TPH2: variants seen among roughly 807,000 people sequenced by gnomAD.
TPH2 encodes tryptophan 5-hydroxylase 2.
TPH2 carries 27 observed loss-of-function variants against 59.1 expected under a neutral mutation model. The ratio of observed to expected loss-of-function variants is 0.46; its 90% CI spans 0.34 to 0.63. The LOEUF is 0.63. Among genes scored for constraint, TPH2 ranks in the 30% least tolerant of loss-of-function variants. The pLI is 0.01. For missense variants in TPH2, 523 were observed against 588.3 expected (o/e 0.89, Z 1.15); for synonymous variants, 220 against 210.5 (o/e 1.05, Z -0.39).
intron 5 of TPH2, among the ~76,000 whole-genome samples, chr12:71,951,344 G>A (rs934505884): frequency 6.6e-6 from 1 of 152,094 alleles, no homozygotes; most frequent in Admixed American, 6.6e-5. Flanking sequence ...GATCCTTAGA[G>A]GGGGTGTGGG....
At chr12:71,982,134 G>T (rs1872301664) in intron 7 of TPH2, among the ~76,000 whole-genome samples, 1 of 149,906 alleles carries the variant, frequency 6.7e-6, no homozygotes, top group East Asian at 2.0e-4. Flanking sequence ...CTCCTCAGTA[G>T]CTGGGGTTAC....
rs143153059 is a variant in TPH2 at position 71,994,514 on chromosome 12, A to T, written c.1017A>T (p.Ile339=). 199 of 1,614,026 alleles carry T rather than the reference A, an allele frequency of 1.2e-4. No homozygotes were observed. The African/African-American group carries it at 2.1e-3, about 17-fold the overall frequency. ...AGTTTGCTCAGTTTTCACAAGAAATAGGTCTGGCGTCTCTGGGAGCATCAG... is the reference window on the plus strand; with the variant it reads ...AGTTTGCTCAGTTTTCACAAGAAATTGGTCTGGCGTCTCTGGGAGCATCAG... ...DPKFAQFSQE[I]GLASLGASDE... Residue 339 remains isoleucine, a synonymous_variant, in exon 8 of 11, where the codon ATA becomes ATT. Transcript: ENST00000333850.
intron 6 of TPH2, among the ~76,000 whole-genome samples, chr12:71,973,881 T>C (rs1218009918): frequency 1.3e-5 from 2 of 152,128 alleles, no homozygotes; most frequent in Non-Finnish European, 2.9e-5. Flanking sequence ...ACCCAATGAA[T>C]CATACAGTGA....
intron 5 of TPH2, among the ~76,000 whole-genome samples, chr12:71,960,929 C>A (rs1871662276): frequency 6.6e-6 from 1 of 152,136 alleles, no homozygotes; most frequent in African/African-American, 2.4e-5. Context: ...AAATTTTATT[C>A]ATTTTTATAC....
chr12:71,994,924 A>G (rs1156894511), intron 8 of TPH2, among the ~76,000 whole-genome samples: 1 of 152,156 alleles, frequency 6.6e-6, no homozygotes, highest in Non-Finnish European at 1.5e-5. Flanking sequence ...GTGTCCCAAT[A>G]AAACTTTATT....
chr12:72,014,671 G>A (rs771193195), intron 8 of TPH2, among the ~76,000 whole-genome samples: 1 of 152,154 alleles, frequency 6.6e-6, no homozygotes, highest in Non-Finnish European at 1.5e-5. Context: ...GATTACAGGC[G>A]TGAACCACCG....
At chr12:72,023,688 G>T (rs1873486012) in intron 9 of TPH2, among the ~76,000 whole-genome samples, 1 of 151,894 alleles carries the variant, frequency 6.6e-6, no homozygotes. Context: ...AATTAGCTAG[G>T]CATGATGGCG....
At chr12:71,992,252 G>A (rs1458040683) in intron 7 of TPH2, among the ~76,000 whole-genome samples, 2 of 152,200 alleles carry the variant, frequency 1.3e-5, no homozygotes, top group Non-Finnish European at 2.9e-5. Flanking sequence ...AGAGCAGAAA[G>A]AGTGTAGCTT....
chr12:71,981,295 A>G (rs1343609788), intron 7 of TPH2, among the ~76,000 whole-genome samples: 2 of 152,216 alleles, frequency 1.3e-5, no homozygotes, highest in Non-Finnish European at 2.9e-5. Context: ...TCTTCAGGCC[A>G]TGTTATAAAT....
rs375357832 is a variant in TPH2, at chr12:72,031,389, G to T, written c.1296G>T (p.Met432Ile). Residue 432 changes from methionine to isoleucine, a missense_variant and splice_region_variant, in exon 10 of 11, where the codon ATG (methionine) becomes ATT (isoleucine). Transcript: ENST00000333850. Reference sequence around the variant, plus strand: ...GTTTTGAAGAAGCCAAAGAAAAGATGAGGTAAACTTTTTTTTCCTCCTAGC... The same window carrying T: ...GTTTTGAAGAAGCCAAAGAAAAGATTAGGTAAACTTTTTTTTCCTCCTAGC... ...SESFEEAKEK[M>I]RDFAKSITRP... 4.3e-6 allele frequency: 7 copies of T among 1,613,478 alleles called. No homozygotes were observed. Among genetic ancestry groups the T allele is most frequent in the African/African-American group, 1.3e-5 (1 of 74,868 alleles).
chr12:71,996,664 ATG>A (rs144348037), intron 8 of TPH2, among the ~76,000 whole-genome samples: 1 of 151,042 alleles, frequency 6.6e-6, no homozygotes. Flanking sequence ...TGTGGAGCTG[ATG>A]TGTGTGTGTG....
Position 71,939,773 on chromosome 12 carries a change from G to T in TPH2, c.105+682G>T, listed in dbSNP as rs186474115. Among the ~76,000 whole-genome samples, 81 of 152,296 alleles carry T rather than the reference G, an allele frequency of 5.3e-4. 2 individuals carry two copies. The East Asian group carries it at 0.014, about 27-fold the overall frequency. ...AAAAAGCAGTATTTGCAGGATTTTAGATCCTGCTTTCAGGTAGTAGTCATG... is the reference window on the plus strand; with the variant it reads ...AAAAAGCAGTATTTGCAGGATTTTATATCCTGCTTTCAGGTAGTAGTCATG... On this transcript the variant is annotated intron_variant, in intron 1 of 10. Coordinates refer to ENST00000333850, the MANE Select transcript of TPH2 (RefSeq NM_173353.4).
At chr12:71,946,648 T>C (rs535972303) in intron 4 of TPH2, among the ~76,000 whole-genome samples, 1 of 152,310 alleles carries the variant, frequency 6.6e-6, no homozygotes, top group African/African-American at 2.4e-5. Flanking sequence ...TTGGTGTTTT[T>C]GTAAGTTGTT....
At chr12:71,998,628 C>T (rs1284005985) in intron 8 of TPH2, among the ~76,000 whole-genome samples, 1 of 152,080 alleles carries the variant, frequency 6.6e-6, no homozygotes, top group African/African-American at 2.4e-5. Flanking sequence ...AATTTAATGA[C>T]CCACTTGCAG....
At position 71,944,110 on chromosome 12, in the gene TPH2, A is replaced by T. The variant is rs186803341; in HGVS notation, c.256-184A>T. Among the ~76,000 whole-genome samples the T allele has an allele frequency of 6.6e-5, 10 of 152,174 alleles. No individual in the cohort carries two copies. The East Asian group carries it at 7.7e-4, about 12-fold the overall frequency. On this transcript the variant is annotated intron_variant, in intron 2 of 10. Transcript: ENST00000333850. ...AACCTATACACAGAAGTATAAATAT[A>T]TAGATTTTTTATTAATGGAAATAAT... is the stretch of plus-strand genomic sequence containing the variant.
In TPH2 at chr12:71,994,433, TG is replaced by T; in HGVS notation, c.942-5del. The T allele has an allele frequency of 6.2e-7, 1 of 1,613,840 alleles. No individual in the cohort carries two copies. The highest frequency in any genetic ancestry group is 8.5e-7 in the Non-Finnish European group (1 of 1,179,724). On this transcript the variant is annotated splice_region_variant and splice_polypyrimidine_tract_variant and intron_variant, in intron 7 of 10. Coordinates refer to ENST00000333850, the MANE Select transcript of TPH2 (RefSeq NM_173353.4). ...TAACACGTCTTTGTGATGTCTTTTT[TG>T]TCAGAGACACATGCCATGAACTCTT... is the stretch of plus-strand genomic sequence containing the variant.
intron 1 of TPH2, among the ~76,000 whole-genome samples, chr12:71,940,117 T>C (rs1395025124): frequency 6.6e-6 from 1 of 152,182 alleles, no homozygotes; most frequent in African/African-American, 2.4e-5. Flanking sequence ...GGATGAGATA[T>C]TACAATGAAG....
intron 8 of TPH2, among the ~76,000 whole-genome samples, chr12:72,012,200 A>T (rs1873117784): frequency 6.6e-6 from 1 of 152,050 alleles, no homozygotes; most frequent in Admixed American, 6.6e-5. Context: ...AACAACAATA[A>T]CAACAACAAC....
chr12:71,944,544 A>G lies in TPH2; in HGVS notation c.440-42A>G, dbSNP rs777488319. Reference sequence around the variant, plus strand: ...CAAATATTGCAAAGGGGAAAACACAATCTGTGAACTAATATTTTTGAACCT... The same window carrying G: ...CAAATATTGCAAAGGGGAAAACACAGTCTGTGAACTAATATTTTTGAACCT... On this transcript the variant is annotated intron_variant, in intron 3 of 10. Transcript: ENST00000333850. The G allele has an allele frequency of 9.3e-6, 15 of 1,613,528 alleles. 1 individual carries two copies. In the South Asian group the frequency reaches 1.6e-4, roughly 18 times the overall value.
Sources: allele counts gnomAD v4.1 joint callset (sites outside exome capture counted in the v4.1 genomes callset), GRCh38; gene constraint gnomAD v4.1.1; transcripts MANE v1.5; gene names NCBI Gene and HGNC (gene_info 2026-07-23, HGNC 2026-07-21).